Variants in DAB1 observed in about 807,000 individuals in gnomAD.
DAB1 encodes disabled homolog 1.
Under a neutral mutation model 64.6 loss-of-function variants are expected in DAB1, and 15 were observed. The observed-to-expected ratio is 0.23, with a 90% CI of 0.16 to 0.36. The LOEUF (loss-of-function observed/expected upper bound fraction) is 0.36. DAB1 is among the 10% of genes least tolerant of loss of function. The probability of loss-of-function intolerance (pLI) is 1.00; values close to 1 mark genes in which losing one functional copy is unlikely to be tolerated. For missense variants in DAB1, 596 were observed against 706.7 expected (o/e 0.84, Z 1.78); for synonymous variants, 235 against 251.9 (o/e 0.93, Z 0.64).
intron 7 of DAB1, among the ~76,000 whole-genome samples, chr1:57,502,318 CAAA>C (rs10649147): frequency 8.5e-5 from 8 of 94,234 alleles, no homozygotes; most frequent in Admixed American, 4.1e-4. Context: ...GAGTCCGTCT[CAAA>C]AAAAAAAAAA....
At chr1:57,078,324 A>G (rs1049645877) in intron 4 of DAB1, among the ~76,000 whole-genome samples, 3 of 152,186 alleles carry the variant, frequency 2.0e-5, no homozygotes, top group Admixed American at 6.5e-5. Context: ...AAGAAATGCA[A>G]TTCACATCCA....
rs370450483 is a variant in DAB1 at position 57,616,968 on chromosome 1, T to C, written n.625+32624A>G. Among the ~76,000 whole-genome samples, 8 of 152,280 alleles carry C rather than the reference T, an allele frequency of 5.3e-5. No homozygotes were observed. In the East Asian group the frequency reaches 1.4e-3, roughly 26 times the overall value. ...AACCTGAGGGTACGCAAAGGAATTT[T>C]GACTTGAGTGTTTCCCTCTGGGCAT... On this transcript the variant is annotated intron_variant and non_coding_transcript_variant, in intron 7 of 20. Transcript: ENST00000485760.
At chr1:57,362,702 C>A (rs1679653462) in intron 1 of DAB1, among the ~76,000 whole-genome samples, 1 of 152,072 alleles carries the variant, frequency 6.6e-6, no homozygotes, top group African/African-American at 2.4e-5. Flanking sequence ...CACCAGACAC[C>A]TAATCTGTCA....
chr1:57,108,845 T>C (rs1237643677), intron 4 of DAB1, among the ~76,000 whole-genome samples: 3 of 152,166 alleles, frequency 2.0e-5, no homozygotes, highest in Non-Finnish European at 4.4e-5. Flanking sequence ...GAAGACTAAA[T>C]ACAATGAGTC....
Position 57,305,979 on chromosome 1 carries a change from A to G in DAB1, c.-136-14813T>C, listed in dbSNP as rs566781377. On this transcript the variant is annotated intron_variant, in intron 1 of 14. Transcript: ENST00000371236. ...GCAAGACTCCGTCTCAAAAAAAAAA[A>G]AAAAAAGAAAAAAGAAAAGAAAACA... 2.9e-4 allele frequency among the ~76,000 whole-genome samples: 44 copies of G among 149,164 alleles called. 1 individual carries two copies. The highest frequency in any genetic ancestry group is 8.8e-4 in the South Asian group (4 of 4,562).
chr1:57,775,543 T>C (rs1258358026), intron 6 of DAB1, among the ~76,000 whole-genome samples: 2 of 151,170 alleles, frequency 1.3e-5, no homozygotes, highest in Non-Finnish European at 3.0e-5. Context: ...TGGTATTTTC[T>C]AGATATTGAA....
chr1:57,632,447 C>A (rs919218122), intron 7 of DAB1, among the ~76,000 whole-genome samples: 1 of 152,158 alleles, frequency 6.6e-6, no homozygotes, highest in Admixed American at 6.5e-5. Context: ...CTCTATGAGA[C>A]TAGAAGCAGA....
chr1:57,087,188 A>C (rs1653171107), intron 4 of DAB1, among the ~76,000 whole-genome samples: 2 of 152,220 alleles, frequency 1.3e-5, no homozygotes, highest in Admixed American at 6.5e-5. Flanking sequence ...GGGCATAGAA[A>C]ACACATGTGA....
intron 4 of DAB1, among the ~76,000 whole-genome samples, chr1:58,151,364 G>A (rs1193531821): frequency 2.0e-5 from 3 of 152,162 alleles, no homozygotes; most frequent in African/African-American, 4.8e-5. Flanking sequence ...GTTGTTTCCT[G>A]ACTTTTTAAT....
At position 56,997,572 on chromosome 1, in the gene DAB1, A is replaced by T. The variant is rs953420780; in HGVS notation, c.*572T>A. ...ATTAATTTTCAAACATGACAAAAAA[A>T]GGAAAGGGGGGAAAATGGCAGACCA... is the stretch of plus-strand genomic sequence containing the variant. On this transcript the variant is annotated 3_prime_UTR_variant, in exon 15 of 15. Coordinates refer to ENST00000371236, the MANE Select transcript of DAB1 (RefSeq NM_001365792.1). The T allele has an allele frequency of 4.6e-5, 7 of 152,224 alleles. No homozygotes were observed. Among genetic ancestry groups the T allele is most frequent in the Admixed American group, 2.6e-4 (4 of 15,284 alleles). 9.4% of individuals were successfully genotyped at this position (152,224 alleles called of 1,614,324 possible).
At chr1:58,063,708 G>A (rs954028470) in intron 5 of DAB1, among the ~76,000 whole-genome samples, 2 of 152,162 alleles carry the variant, frequency 1.3e-5, no homozygotes, top group African/African-American at 2.4e-5. Context: ...TGCTTTCCCT[G>A]CATTATCTTG....
intron 3 of DAB1, among the ~76,000 whole-genome samples, chr1:58,381,043 A>G (rs541779381): frequency 6.6e-6 from 1 of 152,336 alleles, no homozygotes; most frequent in African/African-American, 2.4e-5. Context: ...CTAATGCAGG[A>G]ACAGAAAACC....
chr1:58,450,635 T>TC (rs1645124922), intron 3 of DAB1, among the ~76,000 whole-genome samples: 1 of 152,042 alleles, frequency 6.6e-6, no homozygotes, highest in South Asian at 2.1e-4. Flanking sequence ...GCACCTGTAG[T>TC]CCCAGCTACT....
At chr1:57,948,622 T>C (rs1036380224) in intron 5 of DAB1, among the ~76,000 whole-genome samples, 23 of 152,150 alleles carry the variant, frequency 1.5e-4, no homozygotes, top group Non-Finnish European at 1.2e-4. Context: ...TTAATGTACA[T>C]CTTGGCCAAA....
chr1:57,719,090 A>G (rs1463211360), intron 6 of DAB1, among the ~76,000 whole-genome samples: 1 of 152,256 alleles, frequency 6.6e-6, no homozygotes, highest in African/African-American at 2.4e-5. Context: ...GAAAAAACAT[A>G]TGTTGAGAAA....
At chr1:58,498,130 T>C (rs904115045) in intron 3 of DAB1, among the ~76,000 whole-genome samples, 3 of 152,114 alleles carry the variant, frequency 2.0e-5, no homozygotes, top group African/African-American at 7.2e-5. Context: ...TATAAAAGGA[T>C]TATACTGTTC....
At chr1:57,850,293 T>A (rs1292522989) in intron 1 of DAB1, among the ~76,000 whole-genome samples, 2 of 152,106 alleles carry the variant, frequency 1.3e-5, no homozygotes, top group Non-Finnish European at 2.9e-5. Flanking sequence ...AGTACCAAAG[T>A]GGCTTAGTGC....
chr1:57,755,287 T>C lies in DAB1; in HGVS notation n.552-105622A>G, dbSNP rs138075932. ...AATCAACTTGGGAAAAAGTGGCATC[T>C]TTACAGCACAAAGTATTCCTATCCA... is the stretch of plus-strand genomic sequence containing the variant. On this transcript the variant is annotated intron_variant and non_coding_transcript_variant, in intron 6 of 20. Transcript: ENST00000485760. 5.8e-3 allele frequency among the ~76,000 whole-genome samples: 877 copies of C among 152,314 alleles called. 10 individuals carry two copies. The highest frequency in any genetic ancestry group is 6.6e-3 in the Non-Finnish European group (446 of 68,028).
intron 2 of DAB1, among the ~76,000 whole-genome samples, chr1:57,206,732 C>T (rs752669767): frequency 6.6e-6 from 1 of 152,020 alleles, no homozygotes; most frequent in Non-Finnish European, 1.5e-5. Context: ...GAACTGAGTC[C>T]TAAGCAAGGG....
Sources: allele counts gnomAD v4.1 joint callset (sites outside exome capture counted in the v4.1 genomes callset), GRCh38; gene constraint gnomAD v4.1.1; transcripts MANE v1.5; gene names NCBI Gene and HGNC (gene_info 2026-07-23, HGNC 2026-07-21).